Variants in CSRNP3 observed in about 807,000 individuals in gnomAD.
The protein encoded by CSRNP3 is cysteine/serine-rich nuclear protein 3.
In CSRNP3, 12 loss-of-function variants were observed where a neutral mutation model predicts 48.0. The ratio of observed to expected loss-of-function variants is 0.25; its 90% CI spans 0.16 to 0.41. The LOEUF is 0.41. Among genes scored for constraint, CSRNP3 ranks in the 10% least tolerant of loss-of-function variants. The pLI is 1.00. For synonymous variants in CSRNP3, 263 were observed against 269.7 expected (o/e 0.98, Z 0.24); for missense variants, 580 against 724.4 (o/e 0.80, Z 2.29).
At chr2:165,586,904 T>A (rs961447294) in intron 3 of CSRNP3, among the ~76,000 whole-genome samples, 1 of 152,248 alleles carries the variant, frequency 6.6e-6, no homozygotes, top group Non-Finnish European at 1.5e-5. Flanking sequence ...ACATTTTTAA[T>A]CAAACCCTCC....
intron 3 of CSRNP3, among the ~76,000 whole-genome samples, chr2:165,586,910 C>G (rs1685642427): frequency 6.6e-6 from 1 of 152,106 alleles, no homozygotes; most frequent in Non-Finnish European, 1.5e-5. Flanking sequence ...TTAATCAAAC[C>G]CTCCACCTAA....
chr2:165,588,981 A>T (rs1443354153), intron 3 of CSRNP3, among the ~76,000 whole-genome samples: 1 of 152,172 alleles, frequency 6.6e-6, no homozygotes, highest in Non-Finnish European at 1.5e-5. Flanking sequence ...AAAAATAAAT[A>T]AATTAAATAA....
Position 165,490,389 on chromosome 2 carries a change from A to T in CSRNP3, c.-282-4370A>T, listed in dbSNP as rs1291803535. 5.6e-5 allele frequency among the ~76,000 whole-genome samples: 8 copies of T among 142,748 alleles called. No homozygotes were observed. In the East Asian group the frequency reaches 1.7e-3, roughly 30 times the overall value. The allele number at this position is 142,748 out of a possible 152,430, so 93.6% of individuals were successfully genotyped here. A position where few individuals can be genotyped will look rare whatever the true frequency, so the allele number is the denominator to read the frequency against. On this transcript the variant is annotated intron_variant, in intron 1 of 6. Transcript: ENST00000651982. ...CCATACTGCCCAAGGTAATTTACAG[A>T]TTCAATGCCATCCCCATCAAGCTAC...
chr2:165,635,789 C>T (rs1276105743), intron 4 of CSRNP3, among the ~76,000 whole-genome samples: 2 of 152,184 alleles, frequency 1.3e-5, no homozygotes, highest in African/African-American at 4.8e-5. Context: ...CAGAACTACA[C>T]AATTCTATAG....
At chr2:165,600,729 C>T (rs1386984269) in intron 4 of CSRNP3, among the ~76,000 whole-genome samples, 1 of 152,188 alleles carries the variant, frequency 6.6e-6, no homozygotes, top group Non-Finnish European at 1.5e-5. Context: ...GCATAAATGT[C>T]TTCTTTTGAG....
chr2:165,659,462 C>T (rs1288128749), intron 5 of CSRNP3, among the ~76,000 whole-genome samples: 1 of 152,004 alleles, frequency 6.6e-6, no homozygotes, highest in Admixed American at 6.6e-5. Context: ...AGGGGACAGG[C>T]TGGGGGTGGG....
At chr2:165,498,017 T>C (rs1209436153) in intron 2 of CSRNP3, among the ~76,000 whole-genome samples, 1 of 152,088 alleles carries the variant, frequency 6.6e-6, no homozygotes, top group Non-Finnish European at 1.5e-5. Context: ...ATGAACAAAT[T>C]CAATGAGCTA....
intron 4 of CSRNP3, among the ~76,000 whole-genome samples, chr2:165,642,443 A>T (rs139720094): frequency 1.5e-4 from 23 of 152,334 alleles, no homozygotes; most frequent in African/African-American, 5.5e-4. Context: ...CACATACTAT[A>T]TGATAGCTAT....
At chr2:165,660,857 G>A (rs1413653429) in intron 5 of CSRNP3, among the ~76,000 whole-genome samples, 3 of 152,058 alleles carry the variant, frequency 2.0e-5, no homozygotes, top group Non-Finnish European at 4.4e-5. Flanking sequence ...AAGGCATTTG[G>A]TTATAATCAC....
chr2:165,646,016 A>G (rs1164307752), intron 4 of CSRNP3, among the ~76,000 whole-genome samples: 7 of 152,144 alleles, frequency 4.6e-5, no homozygotes, highest in South Asian at 2.1e-4. Flanking sequence ...AAGTGCTGGG[A>G]TAACAGGCAT....
intron 3 of CSRNP3, among the ~76,000 whole-genome samples, chr2:165,547,531 A>T (rs1318385846): frequency 6.6e-6 from 1 of 151,818 alleles, no homozygotes; most frequent in East Asian, 1.9e-4. Flanking sequence ...ATTATTAGAG[A>T]GATTGAGCAT....
At chr2:165,493,117 C>T (rs1448569235) in intron 1 of CSRNP3, among the ~76,000 whole-genome samples, 1 of 151,468 alleles carries the variant, frequency 6.6e-6, no homozygotes, top group East Asian at 1.9e-4. Context: ...ATAAATATGC[C>T]CCAAGGAATT....
chr2:165,644,750 G>A (rs1193347292), intron 4 of CSRNP3, among the ~76,000 whole-genome samples: 2 of 152,182 alleles, frequency 1.3e-5, no homozygotes, highest in African/African-American at 4.8e-5. Context: ...TAGATATTGA[G>A]TGATAATTCT....
At chr2:165,561,795 G>A (rs1685236105) in intron 3 of CSRNP3, among the ~76,000 whole-genome samples, 2 of 152,078 alleles carry the variant, frequency 1.3e-5, no homozygotes, top group Admixed American at 1.3e-4. Flanking sequence ...TTTCTATTTT[G>A]TAAGCTCTTT....
intron 5 of CSRNP3, among the ~76,000 whole-genome samples, chr2:165,660,656 A>C (rs1303330245): frequency 1.3e-5 from 2 of 152,218 alleles, no homozygotes; most frequent in African/African-American, 4.8e-5. Flanking sequence ...GTATCCAGCT[A>C]CTTCCATACA....
At chr2:165,595,343 C>T in intron 4 of CSRNP3, 130 bp downstream of exon 4, 5 of 835,660 alleles carry the variant, frequency 6.0e-6, no homozygotes, top group Non-Finnish European at 9.2e-6. Flanking sequence ...GAACACTTAC[C>T]CAAAAATGAA....
intron 4 of CSRNP3, among the ~76,000 whole-genome samples, chr2:165,652,321 C>G (rs1394246806): frequency 7.9e-5 from 12 of 151,680 alleles, no homozygotes; most frequent in Non-Finnish European, 1.3e-4. Context: ...ATCATCCTGG[C>G]CAACAAGGTG....
At chr2:165,539,987 G>C (rs999528850) in intron 3 of CSRNP3, among the ~76,000 whole-genome samples, 3 of 152,170 alleles carry the variant, frequency 2.0e-5, no homozygotes, top group Middle Eastern at 6.8e-3. Context: ...TGCTGTTAAT[G>C]TACAAATAAA....
intron 2 of CSRNP3, among the ~76,000 whole-genome samples, chr2:165,513,776 A>G (rs887778121): frequency 2.0e-5 from 3 of 152,204 alleles, no homozygotes; most frequent in Non-Finnish European, 4.4e-5. Context: ...ATTGCCAATC[A>G]AGATAGCAGC....
Sources: gnomAD v4.1 joint callset for allele counts (sites outside exome capture counted in the v4.1 genomes callset) on GRCh38, gnomAD v4.1.1 for gene constraint, MANE v1.5 for transcripts, NCBI Gene and HGNC (gene_info 2026-07-23, HGNC 2026-07-21) for gene names.